Variants in ARHGEF3 observed in about 807,000 individuals in gnomAD.
ARHGEF3 encodes 59.8 kDA protein.
In ARHGEF3, 28 loss-of-function variants were observed where a neutral mutation model predicts 63.2. That is an observed-to-expected ratio of 0.44 (90% CI 0.33 to 0.61). ARHGEF3 has a LOEUF of 0.61. ARHGEF3 is among the 20% of genes least tolerant of loss of function. The pLI, the probability that ARHGEF3 is intolerant of heterozygous loss-of-function variation, is 0.03. For synonymous variants in ARHGEF3, 266 were observed against 254.2 expected (o/e 1.05, Z -0.44); for missense variants, 533 against 659.3 (o/e 0.81, Z 2.10).
chr3:56,802,522 A>G (rs186353649), upstream of ARHGEF3, among the ~76,000 whole-genome samples: 3 of 152,314 alleles, frequency 2.0e-5, no homozygotes, highest in African/African-American at 7.2e-5. Context: ...GTTCTGACAA[A>G]TGTAAACACC....
chr3:56,732,559 T>A lies in ARHGEF3; in HGVS notation c.1042-135A>T, dbSNP rs2033249478. On this transcript the variant is annotated intron_variant, in intron 8 of 9. Transcript: ENST00000296315. ...ATGAACTCCTAGGTTCAAATCTACC[T>A]CCAGGAGAACCAAAGTTGGGCATGT... The A allele has an allele frequency of 3.8e-6, 4 of 1,039,616 alleles. No homozygotes were observed. The East Asian group carries it at 7.5e-5, about 20-fold the overall frequency. 64.4% of individuals were successfully genotyped at this position (1,039,616 alleles called of 1,614,324 possible).
chr3:57,010,021 G>A (rs1702618917), intron 2 of ARHGEF3, among the ~76,000 whole-genome samples: 1 of 152,156 alleles, frequency 6.6e-6, no homozygotes, highest in Non-Finnish European at 1.5e-5. Context: ...TGGACCACAG[G>A]CAGCTGCCTT....
chr3:57,014,722 C>G (rs1702908221), intron 2 of ARHGEF3, among the ~76,000 whole-genome samples: 1 of 151,650 alleles, frequency 6.6e-6, no homozygotes, highest in African/African-American at 2.4e-5. Flanking sequence ...GCTGTGTCAC[C>G]CAGGCTGGAG....
At chr3:56,995,850 A>C (rs144478599) in intron 2 of ARHGEF3, among the ~76,000 whole-genome samples, 1 of 152,310 alleles carries the variant, frequency 6.6e-6, no homozygotes, top group African/African-American at 2.4e-5. Context: ...GGACTCCTTT[A>C]GTCTAGTTAG....
At chr3:56,896,945 C>T (rs1209391080) in intron 3 of ARHGEF3, among the ~76,000 whole-genome samples, 1 of 152,166 alleles carries the variant, frequency 6.6e-6, no homozygotes, top group Non-Finnish European at 1.5e-5. Context: ...TGGAAAGTTA[C>T]TATTTTTCTG....
intron 3 of ARHGEF3, among the ~76,000 whole-genome samples, chr3:56,919,748 G>A (rs922196117): frequency 1.3e-5 from 2 of 152,106 alleles, no homozygotes; most frequent in Non-Finnish European, 2.9e-5. Flanking sequence ...ATTTTCCCAC[G>A]TGATCCTCAC....
chr3:56,920,266 C>T (rs774240032), intron 3 of ARHGEF3, among the ~76,000 whole-genome samples: 1 of 152,108 alleles, frequency 6.6e-6, no homozygotes, highest in African/African-American at 2.4e-5. Context: ...CCTGTTTTCC[C>T]ACAGCTGGTT....
intron 3 of ARHGEF3, chr3:56,958,683 C>T: frequency 1.1e-6 from 1 of 893,002 alleles, no homozygotes; most frequent in Non-Finnish European, 1.7e-6. Context: ...GTGTGACTTC[C>T]CCAAGTGGTA....
At chr3:57,054,394 C>A (rs1704811532) in intron 1 of ARHGEF3, among the ~76,000 whole-genome samples, 1 of 151,566 alleles carries the variant, frequency 6.6e-6, no homozygotes, top group Admixed American at 6.6e-5. Flanking sequence ...CTCTGGGAGG[C>A]CAAGGTGGGC....
Position 57,038,333 on chromosome 3 carries a change from G to A in ARHGEF3, c.-27-3157C>T, listed in dbSNP as rs1704045503. 5.9e-5 allele frequency among the ~76,000 whole-genome samples: 9 copies of A among 152,190 alleles called. No individual in the cohort carries two copies. In the South Asian group the frequency reaches 1.9e-3, roughly 32 times the overall value. Reference sequence around the variant, plus strand: ...GGCCCCGGGGGTTGTTGGGTTGATCGTGAGCTTAACCTCATCTGCCCTGGA... The same window carrying A: ...GGCCCCGGGGGTTGTTGGGTTGATCATGAGCTTAACCTCATCTGCCCTGGA... On this transcript the variant is annotated intron_variant, in intron 1 of 12. Coordinates refer to the ARHGEF3 transcript ENST00000338458.
chr3:56,934,660 G>A (rs2108402210), intron 3 of ARHGEF3, among the ~76,000 whole-genome samples: 1 of 152,372 alleles, frequency 6.6e-6, no homozygotes, highest in Middle Eastern at 3.4e-3. Flanking sequence ...CAGCCCACCA[G>A]CGCTGCGCTC....
intron 2 of ARHGEF3, among the ~76,000 whole-genome samples, chr3:56,968,207 A>AT (rs1288735472): frequency 1.8e-3 from 30 of 16,698 alleles, no homozygotes; most frequent in Non-Finnish European, 3.1e-3. Context: ...AATATATAAA[A>AT]ATATATATTA....
chr3:56,915,764 T>C (rs912380613), intron 3 of ARHGEF3, among the ~76,000 whole-genome samples: 1 of 152,146 alleles, frequency 6.6e-6, no homozygotes, highest in Non-Finnish European at 1.5e-5. Flanking sequence ...TAGGGAAATC[T>C]ACAAAACAGT....
chr3:56,743,674 T>C (rs759726291), intron 7 of ARHGEF3, among the ~76,000 whole-genome samples: 1 of 152,222 alleles, frequency 6.6e-6, no homozygotes, highest in African/African-American at 2.4e-5. Context: ...ATTAAACCCC[T>C]ATCTGGGAGG....
At chr3:56,850,433 G>T (rs923649715) in intron 4 of ARHGEF3, among the ~76,000 whole-genome samples, 1 of 152,234 alleles carries the variant, frequency 6.6e-6, no homozygotes, top group Non-Finnish European at 1.5e-5. Context: ...GGAGGCTGAG[G>T]CAGGAGAGTC....
intron 3 of ARHGEF3, among the ~76,000 whole-genome samples, chr3:56,926,816 A>G (rs1170204470): frequency 6.6e-6 from 1 of 152,214 alleles, no homozygotes; most frequent in Non-Finnish European, 1.5e-5. Context: ...TTTTAAAAGA[A>G]TGTGTGTGGT....
intron 1 of ARHGEF3, among the ~76,000 whole-genome samples, chr3:57,038,769 A>C (rs1704061811): frequency 6.6e-6 from 1 of 152,204 alleles, no homozygotes; most frequent in South Asian, 2.1e-4. Context: ...TAATGACCAC[A>C]GCCACTGCTG....
At chr3:56,896,583 C>T (rs1272951806) in intron 3 of ARHGEF3, among the ~76,000 whole-genome samples, 1 of 152,134 alleles carries the variant, frequency 6.6e-6, no homozygotes, top group African/African-American at 2.4e-5. Context: ...TTTACTGTCA[C>T]GTGTTCTTGA....
chr3:56,831,994 C>T (rs948593330), intron 4 of ARHGEF3, among the ~76,000 whole-genome samples: 1 of 152,218 alleles, frequency 6.6e-6, no homozygotes, highest in African/African-American at 2.4e-5. Flanking sequence ...CTTTGACGTT[C>T]TTCCTAAATC....
Sources: allele counts gnomAD v4.1 joint callset (sites outside exome capture counted in the v4.1 genomes callset), GRCh38; gene constraint gnomAD v4.1.1; transcripts MANE v1.5; gene names NCBI Gene and HGNC (gene_info 2026-07-23, HGNC 2026-07-21).